The following TSPAN9 variants were observed in gnomAD, a reference collection of about 807,000 sequenced individuals.
TSPAN9 encodes tetraspanin-9.
A neutral mutation model predicts 31.0 loss-of-function variants in TSPAN9; 16 were observed. That is an observed-to-expected ratio of 0.52 (90% CI 0.35 to 0.78). The LOEUF is 0.78. TSPAN9 is among the 30% of genes least tolerant of loss of function. The probability of loss-of-function intolerance (pLI) is 0.01; values close to 1 mark genes in which losing one functional copy is unlikely to be tolerated. For missense variants in TSPAN9, 272 were observed against 312.5 expected (o/e 0.87, Z 0.98); for synonymous variants, 145 against 121.6 (o/e 1.19, Z -1.27).
intron 3 of TSPAN9, among the ~76,000 whole-genome samples, chr12:3,268,610 C>G (rs1176944017): frequency 5.9e-5 from 7 of 118,742 alleles, no homozygotes; most frequent in African/African-American, 2.1e-4. Flanking sequence ...CCTGCCCTCC[C>G]TGTGTTCCTG....
chr12:3,187,139 G>C lies in TSPAN9; in HGVS notation c.-17-14038G>C, dbSNP rs2153971744. 6.6e-6 allele frequency among the ~76,000 whole-genome samples: 1 copy of C among 152,258 alleles called. No homozygotes were observed. Among genetic ancestry groups the C allele is most frequent in the South Asian group, 2.1e-4 (1 of 4,826 alleles). On this transcript the variant is annotated intron_variant, in intron 2 of 8. Coordinates refer to ENST00000011898, the MANE Select transcript of TSPAN9 (RefSeq NM_006675.5). The surrounding 1 kb of genome is among the most constrained non-coding windows in gnomAD (Gnocchi z 5.2). ...CTACCTGTGCTGTGCTTTCAGAGGG[G>C]AGGGCCTCTGTTTTCTTTCACTTGG...
At chr12:3,134,808 C>CTGCT (rs2098331338) in intron 2 of TSPAN9, among the ~76,000 whole-genome samples, 1 of 151,974 alleles carries the variant, frequency 6.6e-6, no homozygotes, top group African/African-American at 2.4e-5. Flanking sequence ...GGAAGGTGGA[C>CTGCT]GTATAGTCAG....
At position 3,117,446 on chromosome 12, in the gene TSPAN9, G is replaced by T. The variant is rs919566687; in HGVS notation, c.-18+33727G>T. Among the ~76,000 whole-genome samples, 4 of 151,998 alleles carry T rather than the reference G, an allele frequency of 2.6e-5. No homozygotes were observed. In the South Asian group the frequency reaches 8.3e-4, roughly 32 times the overall value. Reference sequence around the variant, plus strand: ...TGGTGGGACTATTTGCCCGATTTTTGTATCCTAGGGCCTGTCTCTTCCGTT... The same window carrying T: ...TGGTGGGACTATTTGCCCGATTTTTTTATCCTAGGGCCTGTCTCTTCCGTT... On this transcript the variant is annotated intron_variant, in intron 2 of 8. Transcript: ENST00000011898.
At chr12:3,093,574 A>G (rs975874864) in intron 2 of TSPAN9, among the ~76,000 whole-genome samples, 1 of 152,210 alleles carries the variant, frequency 6.6e-6, no homozygotes, top group Non-Finnish European at 1.5e-5. Flanking sequence ...AACAGAGGGC[A>G]GATCGAATGG....
At chr12:3,081,517 T>G (rs1020124168) in intron 1 of TSPAN9, among the ~76,000 whole-genome samples, 1 of 152,130 alleles carries the variant, frequency 6.6e-6, no homozygotes, top group Non-Finnish European at 1.5e-5. Flanking sequence ...ATGTCTGAGC[T>G]CCTCTCAAGA....
intron 3 of TSPAN9, among the ~76,000 whole-genome samples, chr12:3,253,034 C>G (rs538852300): frequency 6.6e-5 from 10 of 151,678 alleles, no homozygotes; most frequent in African/African-American, 2.2e-4. Flanking sequence ...CTGCACCGCC[C>G]TGTTTACTCT....
chr12:3,249,421 C>G (rs565697601), intron 3 of TSPAN9, among the ~76,000 whole-genome samples: 7 of 152,296 alleles, frequency 4.6e-5, no homozygotes, highest in African/African-American at 1.7e-4. Flanking sequence ...CCCCCTTTTC[C>G]TTAAAGTTTC....
chr12:3,092,396 G>A (rs914504385), intron 2 of TSPAN9, among the ~76,000 whole-genome samples: 4 of 152,202 alleles, frequency 2.6e-5, no homozygotes, highest in African/African-American at 4.8e-5. Context: ...GAGAGCTTTA[G>A]CCAAGTGTAA....
intron 2 of TSPAN9, among the ~76,000 whole-genome samples, chr12:3,101,841 C>T (rs2098311979): frequency 6.6e-6 from 1 of 152,192 alleles, no homozygotes; most frequent in South Asian, 2.1e-4. Flanking sequence ...GGCTGGGAGG[C>T]TCCCAGCGAA....
chr12:3,172,886 G>A lies in TSPAN9; in HGVS notation c.-17-28291G>A, dbSNP rs1024118268. On this transcript the variant is annotated intron_variant, in intron 2 of 8. Coordinates refer to ENST00000011898, the MANE Select transcript of TSPAN9 (RefSeq NM_006675.5). This position sits in a 1 kb window ranked among gnomAD's most constrained non-coding sequence, Gnocchi z 4.8. ...GGCGAGTCTATTAAACAGAGAGGCT[G>A]GTCCCAGCGCAGGTTGTTACCACCG... 1.3e-5 allele frequency: 2 copies of A among 152,192 alleles called. No homozygotes were observed. The highest frequency in any genetic ancestry group is 6.5e-5 in the Admixed American group (1 of 15,284). The allele number at this position is 152,192 out of a possible 1,614,324, so 9.4% of individuals were successfully genotyped here.
chr12:3,175,071 G>T (rs184998125), intron 2 of TSPAN9, among the ~76,000 whole-genome samples: 1 of 152,302 alleles, frequency 6.6e-6, no homozygotes, highest in African/African-American at 2.4e-5. Context: ...ATGAAGTGTT[G>T]CGGACACAAC....
chr12:3,267,213 T>C (rs1171322027), intron 3 of TSPAN9, among the ~76,000 whole-genome samples: 2 of 152,006 alleles, frequency 1.3e-5, no homozygotes, highest in Non-Finnish European at 2.9e-5. Context: ...TGGAGCTCTT[T>C]GCCAGAAGAT....
At chr12:3,158,005 A>C (rs1010051723) in intron 2 of TSPAN9, among the ~76,000 whole-genome samples, 3 of 152,196 alleles carry the variant, frequency 2.0e-5, no homozygotes, top group Non-Finnish European at 4.4e-5. Context: ...TATCTACTAA[A>C]AAAAAAGAAA....
intron 3 of TSPAN9, among the ~76,000 whole-genome samples, chr12:3,216,591 G>A (rs2098381539): frequency 6.6e-6 from 1 of 152,266 alleles, no homozygotes; most frequent in Non-Finnish European, 1.5e-5. Flanking sequence ...CTGGTGTCCA[G>A]GTCCCACTGG....
chr12:3,268,184 G>GTTCCTGCAGCCTGCCCTCCGTGCA (rs1565639201), intron 3 of TSPAN9, among the ~76,000 whole-genome samples: 4 of 146,470 alleles, frequency 2.7e-5, no homozygotes, highest in Non-Finnish European at 6.0e-5. Flanking sequence ...CCCTCCGTGC[G>GTTCCTGCAGCCTGCCCTCCGTGCA]TTCCTGCAGC....
At chr12:3,256,421 G>T (rs1862345791) in intron 3 of TSPAN9, among the ~76,000 whole-genome samples, 1 of 152,228 alleles carries the variant, frequency 6.6e-6, no homozygotes, top group African/African-American at 2.4e-5. Context: ...TGAGGCCAAG[G>T]CCACAGGCCT....
At chr12:3,250,244 A>G (rs1862222546) in intron 3 of TSPAN9, among the ~76,000 whole-genome samples, 1 of 152,118 alleles carries the variant, frequency 6.6e-6, no homozygotes, top group African/African-American at 2.4e-5. Context: ...GCCTTTACCC[A>G]TTGCGTAAAG....
intron 2 of TSPAN9, 41 bp from the exon 3 acceptor site, chr12:3,201,136 C>G: frequency 6.5e-7 from 1 of 1,538,458 alleles, no homozygotes; most frequent in Non-Finnish European, 9.0e-7. Flanking sequence ...GCAGCAAGTA[C>G]GTGGTGTTTT....
At chr12:3,198,319 T>C (rs1260213705) in intron 2 of TSPAN9, among the ~76,000 whole-genome samples, 8 of 75,616 alleles carry the variant, frequency 1.1e-4, no homozygotes, top group Non-Finnish European at 1.3e-4. Context: ...ACCAGCACCA[T>C]CAGCACAGGC....
Sources: allele counts gnomAD v4.1 joint callset (sites outside exome capture counted in the v4.1 genomes callset), GRCh38; gene constraint gnomAD v4.1.1; non-coding constraint Gnocchi (gnomAD v3.1); transcripts MANE v1.5; gene names NCBI Gene and HGNC (gene_info 2026-07-23, HGNC 2026-07-21).